Variants in HTR1F observed in about 807,000 individuals in gnomAD.
HTR1F encodes 5-hydroxytryptamine receptor 1F.
HTR1F carries 17 observed loss-of-function variants against 24.0 expected under a neutral mutation model. The observed-to-expected ratio is 0.71, with a 90% CI of 0.48 to 1.06. The LOEUF is 1.06. Among genes scored for constraint, HTR1F ranks in the 50% least tolerant of loss-of-function variants. The probability of loss-of-function intolerance (pLI) is 0.00; values close to 1 mark genes in which losing one functional copy is unlikely to be tolerated. For missense variants in HTR1F, 391 were observed against 427.8 expected, an observed-to-expected ratio of 0.91 and a Z score of 0.76; for synonymous variants, 186 against 156.8, an observed-to-expected ratio of 1.19 and a Z score of -1.39.
chr3:87,961,017 CACACAT>C (rs1279453912), intron 2 of HTR1F, among the ~76,000 whole-genome samples: 3 of 151,924 alleles, frequency 2.0e-5, no homozygotes, highest in African/African-American at 7.3e-5. Flanking sequence ...CACACACACA[CACACAT>C]ACACACAAAC....
intron 2 of HTR1F, among the ~76,000 whole-genome samples, chr3:87,854,498 T>G (rs1705157913): frequency 6.6e-6 from 1 of 152,008 alleles, no homozygotes; most frequent in Admixed American, 6.6e-5. Context: ...TGGCTATATA[T>G]TTGTTTCTGA....
At chr3:87,944,596 T>TG (rs1347617604) in intron 2 of HTR1F, among the ~76,000 whole-genome samples, 14 of 152,242 alleles carry the variant, frequency 9.2e-5, no homozygotes, top group African/African-American at 3.1e-4. Context: ...GGAAATCTGC[T>TG]GGGTTAAGGG....
intron 2 of HTR1F, among the ~76,000 whole-genome samples, chr3:87,987,999 A>G (rs191241235): frequency 6.6e-6 from 1 of 151,750 alleles, no homozygotes; most frequent in Admixed American, 6.6e-5. Context: ...ATGTGGCAGC[A>G]TTGAAAAAAA....
At chr3:87,863,697 A>G (rs560867883) in intron 2 of HTR1F, among the ~76,000 whole-genome samples, 20 of 152,298 alleles carry the variant, frequency 1.3e-4, no homozygotes, top group African/African-American at 4.6e-4. Context: ...CATCTTTCAT[A>G]TATTGCCCAA....
intron 2 of HTR1F, among the ~76,000 whole-genome samples, chr3:87,907,337 T>C (rs1287941258): frequency 6.6e-6 from 1 of 151,620 alleles, no homozygotes; most frequent in African/African-American, 2.4e-5. Flanking sequence ...CTTTTGAGAA[T>C]TGTCTATTCA....
At chr3:87,829,306 A>G (rs2107147645) in intron 2 of HTR1F, among the ~76,000 whole-genome samples, 2 of 152,292 alleles carry the variant, frequency 1.3e-5, no homozygotes, top group Admixed American at 1.3e-4. Flanking sequence ...AGTTTCATTT[A>G]TTATCATTTA....
At chr3:87,866,974 T>C (rs1225664979) in intron 2 of HTR1F, among the ~76,000 whole-genome samples, 2 of 151,848 alleles carry the variant, frequency 1.3e-5, no homozygotes, top group African/African-American at 4.8e-5. Flanking sequence ...CCTGAAGTAA[T>C]AGCCAGCTTA....
At chr3:87,896,509 G>A (rs1451809576) in intron 2 of HTR1F, among the ~76,000 whole-genome samples, 1 of 152,094 alleles carries the variant, frequency 6.6e-6, no homozygotes, top group Non-Finnish European at 1.5e-5. Context: ...ACTGGCCTTG[G>A]CAGTGATTTC....
At chr3:87,794,925 A>AT (rs1041956934) in intron 1 of HTR1F, among the ~76,000 whole-genome samples, 26 of 136,796 alleles carry the variant, frequency 1.9e-4, no homozygotes, top group Non-Finnish European at 9.5e-5. Flanking sequence ...AAGATATTTT[A>AT]TTTTTATTTA....
chr3:87,928,448 T>G (rs1704181259), intron 2 of HTR1F, among the ~76,000 whole-genome samples: 1 of 152,344 alleles, frequency 6.6e-6, no homozygotes, highest in Non-Finnish European at 1.5e-5. Context: ...TAGGTGATTT[T>G]GTATCACTTG....
intron 2 of HTR1F, among the ~76,000 whole-genome samples, chr3:87,912,199 C>T (rs540547899): frequency 2.1e-5 from 3 of 142,760 alleles, no homozygotes; most frequent in East Asian, 2.0e-4. Flanking sequence ...CTTAAGATAA[C>T]AAAAAAAAAA....
chr3:87,961,966 A>C (rs1705072415), intron 2 of HTR1F, among the ~76,000 whole-genome samples: 1 of 152,102 alleles, frequency 6.6e-6, no homozygotes, highest in African/African-American at 2.4e-5. Flanking sequence ...CATACTAAAA[A>C]ATGATTCATT....
chr3:87,871,920 CAT>C (rs1169285995), intron 2 of HTR1F, among the ~76,000 whole-genome samples: 4 of 152,040 alleles, frequency 2.6e-5, no homozygotes, highest in African/African-American at 9.7e-5. Flanking sequence ...ACCTAACAAA[CAT>C]ATAGAGAATA....
At chr3:87,934,769 C>A (rs532049932) in intron 2 of HTR1F, among the ~76,000 whole-genome samples, 7 of 152,274 alleles carry the variant, frequency 4.6e-5, no homozygotes, top group Admixed American at 1.3e-4. Context: ...CACATCACCC[C>A]CAAGAGGGAA....
chr3:87,829,504 G>C (rs142787926), intron 2 of HTR1F, among the ~76,000 whole-genome samples: 8 of 152,226 alleles, frequency 5.3e-5, no homozygotes, highest in African/African-American at 1.9e-4. Flanking sequence ...GAAGGCAGTC[G>C]AACCACTAAC....
chr3:87,876,827 A>G (rs1311535193), intron 2 of HTR1F, among the ~76,000 whole-genome samples: 1 of 152,108 alleles, frequency 6.6e-6, no homozygotes, highest in Non-Finnish European at 1.5e-5. Flanking sequence ...AACTTAACTT[A>G]TTTCTTAAGG....
At chr3:87,990,405 A>G (rs1705794373) in intron 2 of HTR1F, among the ~76,000 whole-genome samples, 1 of 152,210 alleles carries the variant, frequency 6.6e-6, no homozygotes, top group Non-Finnish European at 1.5e-5. Context: ...ACATGGACAA[A>G]GAGAAAAACC....
intron 2 of HTR1F, among the ~76,000 whole-genome samples, chr3:87,982,659 C>A (rs1439353320): frequency 6.6e-6 from 1 of 152,122 alleles, no homozygotes; most frequent in Admixed American, 6.5e-5. Flanking sequence ...AATTAGAGAA[C>A]CAAATCAGAA....
At chr3:87,948,011 T>G (rs113356067) in intron 2 of HTR1F, among the ~76,000 whole-genome samples, 1 of 152,098 alleles carries the variant, frequency 6.6e-6, no homozygotes, top group Non-Finnish European at 1.5e-5. Context: ...TGTCAAAGAG[T>G]GAAAAAAATC....
Sources: gnomAD v4.1 joint callset for allele counts (sites outside exome capture counted in the v4.1 genomes callset) on GRCh38, gnomAD v4.1.1 for gene constraint, MANE v1.5 for transcripts, NCBI Gene and HGNC (gene_info 2026-07-23, HGNC 2026-07-21) for gene names.